The following HCN1 variants were observed in gnomAD, a reference collection of about 807,000 sequenced individuals.
HCN1 encodes potassium/sodium hyperpolarization-activated cyclic nucleotide-gated channel 1.
Under a neutral mutation model 78.9 loss-of-function variants are expected in HCN1, and 13 were observed. The observed-to-expected ratio is 0.16, with a 90% CI of 0.11 to 0.26. The LOEUF is 0.26. Ranked by LOEUF, HCN1 falls within the 10% of genes least tolerant of loss-of-function variation. HCN1 has a pLI of 1.00. For synonymous variants in HCN1, 552 were observed against 455.5 expected (o/e 1.21, Z -2.70); for missense variants, 810 against 1,154.3 (o/e 0.70, Z 4.32).
chr5:45,488,294 T>C (rs910783570), intron 2 of HCN1, among the ~76,000 whole-genome samples: 1 of 152,184 alleles, frequency 6.6e-6, no homozygotes, highest in African/African-American at 2.4e-5. Context: ...TGCTTATTTC[T>C]GTGTGCCTCT....
At chr5:45,309,941 T>A (rs772784296) in intron 5 of HCN1, among the ~76,000 whole-genome samples, 1 of 152,188 alleles carries the variant, frequency 6.6e-6, no homozygotes, top group Admixed American at 6.5e-5. Context: ...GTAGGAATGC[T>A]ACTGGCTCTT....
In HCN1 at chr5:45,696,064, C is replaced by G. The variant is rs1459956316; in HGVS notation, c.30G>C (p.Ser10=). 1 of 1,355,290 alleles carries G rather than the reference C, an allele frequency of 7.4e-7. No homozygotes were observed. The highest frequency in any genetic ancestry group is 9.6e-7 in the Non-Finnish European group (1 of 1,043,520). 84.0% of individuals were successfully genotyped at this position (1,355,290 alleles called of 1,614,324 possible). A position where few individuals can be genotyped will look rare whatever the true frequency, so the allele number is the denominator to read the frequency against. MEGGGKPNS[S]SNSRDDGNSV... ...TGTTGCCATCGTCCCGGCTGTTAGACGAAGAGTTGGGCTTGCCGCCTCCTT... is the reference window on the plus strand; with the variant it reads ...TGTTGCCATCGTCCCGGCTGTTAGAGGAAGAGTTGGGCTTGCCGCCTCCTT... The change falls in exon 1 of 8, where the codon TCG becomes TCC. Residue 10 remains serine, a synonymous_variant. Coordinates refer to ENST00000303230, the MANE Select transcript of HCN1 (RefSeq NM_021072.4).
intron 5 of HCN1, among the ~76,000 whole-genome samples, chr5:45,348,479 T>C (rs1022446276): frequency 5.3e-5 from 8 of 152,170 alleles, no homozygotes; most frequent in Non-Finnish European, 1.2e-4. Context: ...AATAACCAGC[T>C]AACATCATAA....
chr5:45,326,276 T>C (rs186398987), intron 5 of HCN1, among the ~76,000 whole-genome samples: 48 of 151,784 alleles, frequency 3.2e-4, no homozygotes, highest in Admixed American at 1.7e-3. Context: ...TTTATTGTCA[T>C]CATCTTCATG....
At chr5:45,279,716 T>A (rs1745124005) in intron 6 of HCN1, among the ~76,000 whole-genome samples, 1 of 152,114 alleles carries the variant, frequency 6.6e-6, no homozygotes, top group Non-Finnish European at 1.5e-5. Context: ...TTCCACCTAA[T>A]TATTTTGAGA....
At chr5:45,264,560 G>T (rs1332135947) in intron 7 of HCN1, among the ~76,000 whole-genome samples, 1 of 152,074 alleles carries the variant, frequency 6.6e-6, no homozygotes, top group Non-Finnish European at 1.5e-5. Flanking sequence ...TGCCAAAATA[G>T]TTACCTCTCC....
chr5:45,363,337 A>T (rs1176385301), intron 4 of HCN1, among the ~76,000 whole-genome samples: 1 of 151,218 alleles, frequency 6.6e-6, no homozygotes. Context: ...GCTCAGCTCA[A>T]CCTAGAGTTG....
At chr5:45,349,031 C>A (rs1048420948) in intron 5 of HCN1, among the ~76,000 whole-genome samples, 3 of 152,188 alleles carry the variant, frequency 2.0e-5, no homozygotes, top group African/African-American at 7.2e-5. Context: ...ACCTAATAGA[C>A]ATCTACAGAA....
intron 2 of HCN1, among the ~76,000 whole-genome samples, chr5:45,588,494 A>G (rs568721070): frequency 1.3e-5 from 2 of 152,252 alleles, no homozygotes; most frequent in African/African-American, 4.8e-5. Context: ...GGTAATCTTT[A>G]CTTGTGCAGC....
chr5:45,308,017 G>C (rs1305933455), intron 5 of HCN1, among the ~76,000 whole-genome samples: 1 of 152,062 alleles, frequency 6.6e-6, no homozygotes. Flanking sequence ...CATGGGAGGA[G>C]GTGTTTCAGT....
chr5:45,548,769 C>G (rs549744428), intron 2 of HCN1, among the ~76,000 whole-genome samples: 1 of 152,208 alleles, frequency 6.6e-6, no homozygotes, highest in Non-Finnish European at 1.5e-5. Flanking sequence ...CTCAAAATCT[C>G]CTTAAGCTGA....
At chr5:45,376,122 T>C (rs1237282591) in intron 4 of HCN1, among the ~76,000 whole-genome samples, 1 of 107,702 alleles carries the variant, frequency 9.3e-6, no homozygotes, top group Non-Finnish European at 1.7e-5. Flanking sequence ...ATATATAATA[T>C]GTTATATAAA....
chr5:45,425,109 T>C (rs1740319623), intron 3 of HCN1, among the ~76,000 whole-genome samples: 1 of 152,200 alleles, frequency 6.6e-6, no homozygotes, highest in Non-Finnish European at 1.5e-5. Context: ...GGATAAGTGG[T>C]GGTTTGTACT....
intron 2 of HCN1, among the ~76,000 whole-genome samples, chr5:45,512,887 G>A (rs932519161): frequency 5.3e-5 from 8 of 152,058 alleles, no homozygotes. Flanking sequence ...GAGGTTTTTA[G>A]ATAGAGTGAA....
At chr5:45,277,640 T>C (rs1389722072) in intron 6 of HCN1, among the ~76,000 whole-genome samples, 1 of 152,034 alleles carries the variant, frequency 6.6e-6, no homozygotes, top group Non-Finnish European at 1.5e-5. Flanking sequence ...GCAGTATTTG[T>C]GTGTGTGTGT....
chr5:45,467,077 C>A (rs189529804), intron 2 of HCN1, among the ~76,000 whole-genome samples: 17 of 152,230 alleles, frequency 1.1e-4, no homozygotes, highest in African/African-American at 3.8e-4. Context: ...CTGGATTCTT[C>A]TTTCCACTAT....
rs1460192587 is a variant in HCN1, at chr5:45,255,255, C to G, written c.*6666G>C. On this transcript the variant is annotated 3_prime_UTR_variant, in exon 8 of 8. Coordinates refer to ENST00000303230, the MANE Select transcript of HCN1 (RefSeq NM_021072.4). ...TCGTTGCTTGTGTTTATTTAATGTT[C>G]TCTCGCTTTCCTTGTCTAGCCAAGA... 1 of 152,158 alleles carries G rather than the reference C, an allele frequency of 6.6e-6. No homozygotes were observed. The highest frequency in any genetic ancestry group is 1.5e-5 in the Non-Finnish European group (1 of 68,034). The allele number at this position is 152,158 out of a possible 1,614,324, so 9.4% of individuals were successfully genotyped here.
chr5:45,666,471 C>T (rs1354683446), intron 1 of HCN1, among the ~76,000 whole-genome samples: 2 of 151,970 alleles, frequency 1.3e-5, no homozygotes, highest in African/African-American at 4.8e-5. Context: ...AGGCCACAAC[C>T]ACAATATGTA....
At chr5:45,597,389 C>T (rs1744523246) in intron 2 of HCN1, among the ~76,000 whole-genome samples, 1 of 152,300 alleles carries the variant, frequency 6.6e-6, no homozygotes, top group South Asian at 2.1e-4. Context: ...TAAAAACTCT[C>T]AATAAACTAG....
Sources: allele counts gnomAD v4.1 joint callset (sites outside exome capture counted in the v4.1 genomes callset), GRCh38; gene constraint gnomAD v4.1.1; transcripts MANE v1.5; gene names NCBI Gene and HGNC (gene_info 2026-07-23, HGNC 2026-07-21).